Variants in CEP95 observed in about 807,000 individuals in gnomAD.
CEP95 encodes the protein centrosomal protein 95.
In CEP95, 98 loss-of-function variants were observed where a neutral mutation model predicts 111.2. The ratio of observed to expected loss-of-function variants is 0.88; its 90% CI spans 0.75 to 1.04. The LOEUF is 1.04. Among genes scored for constraint, CEP95 ranks in the 50% least tolerant of loss-of-function variants. The pLI, the probability that CEP95 is intolerant of heterozygous loss-of-function variation, is 0.00. For missense variants in CEP95, 1,027 were observed against 977.2 expected, an observed-to-expected ratio of 1.05 and a Z score of -0.68; for synonymous variants, 323 against 327.1, an observed-to-expected ratio of 0.99 and a Z score of 0.14.
rs1004480684 is a variant in CEP95 at position 64,507,081 on chromosome 17, C to T, written c.-17C>T. 2.3e-5 allele frequency: 35 copies of T among 1,550,656 alleles called. No individual in the cohort carries two copies. Among genetic ancestry groups the T allele is most frequent in the Non-Finnish European group, 3.0e-5 (34 of 1,146,938 alleles). On this transcript the variant is annotated 5_prime_UTR_variant, in exon 1 of 20. Coordinates refer to ENST00000556440, the MANE Select transcript of CEP95 (RefSeq NM_138363.3). ...TCCCGGCCGCGTCGGAGTCCGGCGGCGACCTGCCTCTGAAACATGGCAGGC... is the reference window on the plus strand; with the variant it reads ...TCCCGGCCGCGTCGGAGTCCGGCGGTGACCTGCCTCTGAAACATGGCAGGC...
At chr17:64,517,300 T>G (rs4791276) in intron 5 of CEP95, among the ~76,000 whole-genome samples, 148,478 of 152,208 alleles carry the variant, frequency 0.98, 72,438 homozygotes, top group East Asian at 1. Flanking sequence ...ACCTGCCTTG[T>G]CCTCCCAAAG....
At position 64,507,075 on chromosome 17, in the gene CEP95, C is replaced by A. The variant is rs569955270; in HGVS notation, c.-23C>A. 1 of 1,550,694 alleles carries A rather than the reference C, an allele frequency of 6.4e-7. No homozygotes were observed. Among genetic ancestry groups the A allele is most frequent in the Admixed American group, 2.0e-5 (1 of 51,012 alleles). On this transcript the variant is annotated 5_prime_UTR_variant, in exon 1 of 20. Transcript: ENST00000556440. ...TCGCCTTCCCGGCCGCGTCGGAGTC[C>A]GGCGGCGACCTGCCTCTGAAACATG...
upstream of CEP95, chr17:64,506,762 G>A: frequency 2.0e-6 from 1 of 508,392 alleles, no homozygotes. Flanking sequence ...CACCGGAAGT[G>A]CGCTGCTCGC....
Position 64,507,006 on chromosome 17 carries a change from G to T in CEP95, c.-92G>T. On this transcript the variant is annotated 5_prime_UTR_variant, in exon 1 of 20. Coordinates refer to ENST00000556440, the MANE Select transcript of CEP95 (RefSeq NM_138363.3). ...CCCGCGCTTTGGTTCGTGCGTCCGC[G>T]CCCCAGTGTCGGGTCTGCGTGGATC... 1 of 1,447,514 alleles carries T rather than the reference G, an allele frequency of 6.9e-7. No homozygotes were observed. The highest frequency in any genetic ancestry group is 9.5e-7 in the Non-Finnish European group (1 of 1,053,016). 89.7% of individuals were successfully genotyped at this position (1,447,514 alleles called of 1,614,324 possible).
intron 2 of CEP95, among the ~76,000 whole-genome samples, 169 bp from the exon 3 acceptor site, chr17:64,510,004 C>A (rs1555674380): frequency 6.6e-6 from 1 of 152,038 alleles, no homozygotes; most frequent in East Asian, 1.9e-4. Context: ...AGTAAAGATT[C>A]TGCTGTGTAG....
rs1968524052 is a variant in CEP95, at chr17:64,534,648, C to T, written c.1981C>T (p.Gln661Ter). 6.2e-7 allele frequency: 1 copy of T among 1,613,846 alleles called. No homozygotes were observed. Among genetic ancestry groups the T allele is most frequent in the Non-Finnish European group, 8.5e-7 (1 of 1,179,796 alleles). Residue 661 changes from glutamine (Q) to a stop codon, truncating the protein, a stop_gained, in exon 17 of 20, where the codon CAG (glutamine) becomes TAG (stop). Coordinates refer to ENST00000556440, the MANE Select transcript of CEP95 (RefSeq NM_138363.3). LOFTEE classifies it high-confidence loss of function. ...CCAATCAAAGATAAAAGAAAATCGA[C>T]AGCAAATCGTTCGTGCTCGAAAATA... ...LTQSKIKENRQQIVRARKYYD... is the reference protein window; with the variant it reads ...LTQSKIKENR
chr17:64,529,545 G>A (rs185768636), intron 12 of CEP95, 118 bp downstream of exon 12: 29 of 1,029,996 alleles, frequency 2.8e-5, no homozygotes, highest in East Asian at 5.0e-5. Context: ...ATTCTTGAGC[G>A]GAGTGGATGA....
At chr17:64,534,947 C>T in intron 17 of CEP95, 1 of 544,208 alleles carries the variant, frequency 1.8e-6, no homozygotes, top group African/African-American at 1.9e-5. Context: ...TGTCCCTCAT[C>T]TTAATGTGAA....
chr17:64,526,085 C>CT lies in CEP95; in HGVS notation c.1038dup (p.Thr347TyrfsTer24). On this transcript the variant is annotated frameshift_variant, in exon 10 of 20. Transcript: ENST00000556440. LOFTEE classifies it high-confidence loss of function. ...TTTTATTACAGAAATGAAAACAGAG[C>CT]TACAGCCTCATCCTGCAATTCACCT... The CT allele has an allele frequency of 1.9e-6, 3 of 1,613,488 alleles. No individual in the cohort carries two copies. The highest frequency in any genetic ancestry group is 2.5e-6 in the Non-Finnish European group (3 of 1,179,698).
intron 6 of CEP95, among the ~76,000 whole-genome samples, chr17:64,519,947 C>T (rs1555677256): frequency 6.6e-6 from 1 of 152,204 alleles, no homozygotes; most frequent in African/African-American, 2.4e-5. Flanking sequence ...CCATCCTGTC[C>T]ACCGTGGCTT....
intron 3 of CEP95, among the ~76,000 whole-genome samples, chr17:64,510,807 C>T (rs549669342): frequency 2.0e-5 from 3 of 152,146 alleles, no homozygotes; most frequent in Admixed American, 6.5e-5. Flanking sequence ...TGGCTCCACT[C>T]GTGAAATTGC....
intron 6 of CEP95, 80 bp from the exon 7 acceptor site, chr17:64,521,322 A>G: frequency 9.8e-7 from 1 of 1,023,780 alleles, no homozygotes; most frequent in South Asian, 1.6e-5. Context: ...TCCTGAGTAC[A>G]AAACTCTTGG....
Position 64,537,794 on chromosome 17 carries a change from A to G in CEP95, c.*15A>G, listed in dbSNP as rs782742586. The G allele has an allele frequency of 1.3e-6, 2 of 1,534,716 alleles. No individual in the cohort carries two copies. The highest frequency in any genetic ancestry group is 1.8e-6 in the Non-Finnish European group (2 of 1,133,726). Reference sequence around the variant, plus strand: ...CCTCCCTATGAGGCCAGACTTGATAATAGTAGGTGAAGGTTCTGGAGGCCT... The same window carrying G: ...CCTCCCTATGAGGCCAGACTTGATAGTAGTAGGTGAAGGTTCTGGAGGCCT... On this transcript the variant is annotated 3_prime_UTR_variant, in exon 20 of 20. Transcript: ENST00000556440.
chr17:64,525,871 C>A lies in CEP95; in HGVS notation c.1011C>A (p.Pro337=). 1 of 1,569,160 alleles carries A rather than the reference C, an allele frequency of 6.4e-7. No homozygotes were observed. The highest frequency in any genetic ancestry group is 1.2e-5 in the South Asian group (1 of 83,146). ...AAGGGCCTAGGACAAGGAAGCCTCC[C>A]AAAGGAAAAAGGTAACATTACTGCA... The part of the protein sequence containing the change: ...QVQGPRTRKP[P]KGKRNENRAT... Residue 337 remains proline, a synonymous_variant, in exon 9 of 20, where the codon CCC becomes CCA. Coordinates refer to ENST00000556440, the MANE Select transcript of CEP95 (RefSeq NM_138363.3).
rs1555678342 is a variant in CEP95 at position 64,522,914 on chromosome 17, T to C, written c.909+19T>C. 1 of 1,578,194 alleles carries C rather than the reference T, an allele frequency of 6.3e-7. No individual in the cohort carries two copies. Among genetic ancestry groups the C allele is most frequent in the Non-Finnish European group, 8.6e-7 (1 of 1,158,434 alleles). ...TTCTGGGGTAAGTGGAAAAGCTTAC[T>C]TTCAGTTGGCTAGAAGTACACTTGT... On this transcript the variant is annotated intron_variant, in intron 8 of 19. Transcript: ENST00000556440.
In CEP95 at chr17:64,525,822, G is replaced by T; in HGVS notation, c.962G>T (p.Trp321Leu). 6.2e-7 allele frequency: 1 copy of T among 1,606,578 alleles called. No homozygotes were observed. The highest frequency in any genetic ancestry group is 8.5e-7 in the Non-Finnish European group (1 of 1,177,794). Residue 321 changes from tryptophan to leucine, a missense_variant, in exon 9 of 20, where the codon TGG (tryptophan) becomes TTG (leucine). Transcript: ENST00000556440. Reference protein sequence around the residue: ...LISKLPKGSKWEVYPAQVQGP... With the variant: ...LISKLPKGSKLEVYPAQVQGP... ...TCCAAGTTGCCTAAAGGCAGCAAAT[G>T]GGAAGTATATCCAGCTCAGGTCCAA...
In CEP95 at chr17:64,531,972, C is replaced by A; in HGVS notation, c.1622C>A (p.Thr541Lys). The change falls in exon 14 of 20, where the codon ACA becomes AAA. Residue 541 changes from threonine (T) to lysine (K), a missense_variant. By Grantham distance (78) the Thr-to-Lys change is moderately conservative. Coordinates refer to ENST00000556440, the MANE Select transcript of CEP95 (RefSeq NM_138363.3). ...TGGAAGATTTACTCTAGAAAAACCACAACGCAGAGTCTAAGAGGTGGCCTC... is the reference window on the plus strand; with the variant it reads ...TGGAAGATTTACTCTAGAAAAACCAAAACGCAGAGTCTAAGAGGTGGCCTC... Reference protein sequence around the residue: ...QPWKIYSRKTTTQSLRGGLPK... With the variant: ...QPWKIYSRKTKTQSLRGGLPK... The A allele has an allele frequency of 1.2e-6, 2 of 1,610,892 alleles. No homozygotes were observed. Among genetic ancestry groups the A allele is most frequent in the Non-Finnish European group, 1.7e-6 (2 of 1,179,102 alleles).
chr17:64,522,600 C>A, intron 7 of CEP95, 102 bp from the exon 8 acceptor site: 1 of 689,388 alleles, frequency 1.5e-6, no homozygotes, highest in Non-Finnish European at 2.3e-6. Flanking sequence ...AAAAATATTT[C>A]TAATGTATGT....
chr17:64,512,377 G>A (rs1206795485), intron 3 of CEP95, among the ~76,000 whole-genome samples: 1 of 152,156 alleles, frequency 6.6e-6, no homozygotes, highest in Non-Finnish European at 1.5e-5. Context: ...TTTGAACCAT[G>A]TTATCTATTC....
Sources: gnomAD v4.1 joint callset for allele counts (sites outside exome capture counted in the v4.1 genomes callset) on GRCh38, gnomAD v4.1.1 for gene constraint, MANE v1.5 for transcripts, NCBI Gene and HGNC (gene_info 2026-07-23, HGNC 2026-07-21) for gene names.